OPCML: variants seen among roughly 807,000 people sequenced by gnomAD.
OPCML encodes the protein opioid-binding protein/cell adhesion molecule.
A neutral mutation model predicts 37.8 loss-of-function variants in OPCML; 13 were observed. The observed-to-expected ratio is 0.34, with a 90% CI of 0.22 to 0.55. OPCML has a LOEUF of 0.55. Among genes scored for constraint, OPCML ranks in the 20% least tolerant of loss-of-function variants. OPCML has a pLI of 0.91. For synonymous variants in OPCML, 176 were observed against 168.8 expected (o/e 1.04, Z -0.33); for missense variants, 341 against 435.6 (o/e 0.78, Z 1.93).
intron 1 of OPCML, among the ~76,000 whole-genome samples, chr11:133,292,666 C>T (rs541453584): frequency 6.6e-6 from 1 of 152,284 alleles, no homozygotes; most frequent in African/African-American, 2.4e-5. Flanking sequence ...GGCTCCAAAA[C>T]ATGTCTTAAT....
At chr11:132,441,243 C>T (rs2096033470) in intron 4 of OPCML, among the ~76,000 whole-genome samples, 2 of 135,094 alleles carry the variant, frequency 1.5e-5, no homozygotes, top group East Asian at 2.1e-4. Flanking sequence ...TCTCGGCTCA[C>T]TGCAAGCTCC....
At chr11:132,484,710 C>A (rs542358882) in intron 4 of OPCML, among the ~76,000 whole-genome samples, 2 of 152,072 alleles carry the variant, frequency 1.3e-5, no homozygotes, top group South Asian at 4.2e-4. Context: ...AAATGTGGCA[C>A]ATATACACCA....
chr11:133,446,966 T>C (rs745704074), intron 1 of OPCML, among the ~76,000 whole-genome samples: 29 of 152,338 alleles, frequency 1.9e-4, no homozygotes, highest in Admixed American at 3.9e-4. Context: ...TCCCAATTAT[T>C]TTGTATGAGT....
chr11:132,444,673 A>G (rs939101008), intron 4 of OPCML, among the ~76,000 whole-genome samples: 2 of 151,818 alleles, frequency 1.3e-5, no homozygotes, highest in Admixed American at 6.6e-5. Context: ...TCCCTCTCCT[A>G]TTTAATCCAC....
At chr11:133,414,803 C>T (rs1323775715) in intron 1 of OPCML, among the ~76,000 whole-genome samples, 1 of 152,084 alleles carries the variant, frequency 6.6e-6, no homozygotes, top group Non-Finnish European at 1.5e-5. Flanking sequence ...TCTCTCAACC[C>T]CAGTATTCTC....
intron 2 of OPCML, among the ~76,000 whole-genome samples, chr11:132,726,049 G>A (rs528926983): frequency 4.9e-4 from 75 of 152,190 alleles, no homozygotes; most frequent in African/African-American, 1.6e-3. Context: ...ACTTTGCCAC[G>A]TTTTCCTGTC....
At chr11:133,504,792 C>T (rs1001869369) in intron 1 of OPCML, among the ~76,000 whole-genome samples, 5 of 152,188 alleles carry the variant, frequency 3.3e-5, no homozygotes, top group South Asian at 4.1e-4. Flanking sequence ...TGCCTGATCG[C>T]TTTGACATTT....
At chr11:132,978,631 C>G (rs1251832903) in intron 1 of OPCML, among the ~76,000 whole-genome samples, 2 of 152,132 alleles carry the variant, frequency 1.3e-5, no homozygotes, top group African/African-American at 4.8e-5. Context: ...GGCTTTATAA[C>G]CAAGGAAATA....
At chr11:133,267,868 C>G (rs1941707427) in intron 1 of OPCML, among the ~76,000 whole-genome samples, 1 of 152,182 alleles carries the variant, frequency 6.6e-6, no homozygotes, top group African/African-American at 2.4e-5. Flanking sequence ...CTTTGCTCCT[C>G]CTTACCTTCT....
chr11:133,213,225 T>G (rs1472431475), intron 1 of OPCML, among the ~76,000 whole-genome samples: 2 of 14,140 alleles, frequency 1.4e-4, no homozygotes, highest in Non-Finnish European at 4.3e-4. Context: ...CATAATGAGT[T>G]TTTTTTTTTT....
chr11:132,850,504 C>A (rs1179193809), intron 2 of OPCML, among the ~76,000 whole-genome samples: 1 of 146,394 alleles, frequency 6.8e-6, no homozygotes, highest in Non-Finnish European at 1.5e-5. Context: ...TATGATTCTA[C>A]ACTGTGGAAA....
intron 4 of OPCML, among the ~76,000 whole-genome samples, chr11:132,514,892 G>A (rs1293428998): frequency 6.6e-6 from 1 of 152,126 alleles, no homozygotes; most frequent in African/African-American, 2.4e-5. Context: ...TTCACCAGCA[G>A]CACTGGCAAC....
At chr11:133,467,248 T>C (rs1211294961) in intron 1 of OPCML, among the ~76,000 whole-genome samples, 1 of 152,192 alleles carries the variant, frequency 6.6e-6, no homozygotes, top group Non-Finnish European at 1.5e-5. Context: ...TTTTCATCCC[T>C]GCTCTTCTCT....
intron 2 of OPCML, among the ~76,000 whole-genome samples, chr11:132,864,073 G>A (rs2136369664): frequency 6.6e-6 from 1 of 152,224 alleles, no homozygotes; most frequent in Admixed American, 6.5e-5. Flanking sequence ...GAGTAGCTGG[G>A]ATTGCAGGCA....
intron 3 of OPCML, among the ~76,000 whole-genome samples, chr11:132,553,767 A>G (rs2096387881): frequency 6.6e-6 from 1 of 152,212 alleles, no homozygotes; most frequent in Non-Finnish European, 1.5e-5. Context: ...GGAATGAATA[A>G]TGCATTCCTG....
chr11:132,864,192 C>A, intron 2 of OPCML, among the ~76,000 whole-genome samples: 1 of 152,166 alleles, frequency 6.6e-6, no homozygotes, highest in East Asian at 1.9e-4. Flanking sequence ...CCCTCCTCGG[C>A]CTCTCATAGT....
intron 1 of OPCML, among the ~76,000 whole-genome samples, chr11:133,398,195 C>T (rs1358167767): frequency 2.0e-5 from 3 of 152,226 alleles, no homozygotes; most frequent in African/African-American, 7.2e-5. Context: ...TCAGACCTCC[C>T]TCATGGCAAT....
chr11:132,882,955 T>G (rs192979228), intron 2 of OPCML, among the ~76,000 whole-genome samples: 292 of 152,274 alleles, frequency 1.9e-3, no homozygotes, highest in Middle Eastern at 0.01. Context: ...TGAATTTGAA[T>G]GCCCAATGAA....
At chr11:132,724,707 A>G (rs535458022) in intron 2 of OPCML, among the ~76,000 whole-genome samples, 1 of 152,228 alleles carries the variant, frequency 6.6e-6, no homozygotes, top group Admixed American at 6.5e-5. Flanking sequence ...AGCCTGTAAA[A>G]TCAAAAGCAA....
Sources: allele counts gnomAD v4.1 joint callset (sites outside exome capture counted in the v4.1 genomes callset), GRCh38; gene constraint gnomAD v4.1.1; transcripts MANE v1.5; gene names NCBI Gene and HGNC (gene_info 2026-07-23, HGNC 2026-07-21).